Variants in VAV3 observed in about 807,000 individuals in gnomAD.
VAV3 encodes the protein vav guanine nucleotide exchange factor 3, also known as guanine nucleotide exchange factor VAV3.
Under a neutral mutation model 131.2 loss-of-function variants are expected in VAV3, and 94 were observed. That is an observed-to-expected ratio of 0.72 (90% CI 0.61 to 0.85). The LOEUF (loss-of-function observed/expected upper bound fraction) is 0.85, where lower values mean the gene tolerates loss of function less well. VAV3 is among the 40% of genes least tolerant of loss of function. VAV3 has a pLI of 0.00. For synonymous variants in VAV3, 349 were observed against 342.0 expected (o/e 1.02, Z -0.22); for missense variants, 939 against 1,002.7 (o/e 0.94, Z 0.86).
At chr1:107,600,508 T>C (rs1255443922) in intron 24 of VAV3, among the ~76,000 whole-genome samples, 1 of 152,232 alleles carries the variant, frequency 6.6e-6, no homozygotes, top group Non-Finnish European at 1.5e-5. Context: ...GTGTCTCTAA[T>C]AGTGGCATTG....
chr1:107,875,076 T>G, intron 1 of VAV3, 59 bp from the exon 2 acceptor site: 1 of 1,385,032 alleles, frequency 7.2e-7, no homozygotes, highest in Non-Finnish European at 1.0e-6. Context: ...CTATCCACCC[T>G]CTGTAACACT....
intron 2 of VAV3, among the ~76,000 whole-genome samples, chr1:107,861,610 A>C (rs1012161526): frequency 6.6e-6 from 1 of 151,596 alleles, no homozygotes; most frequent in Non-Finnish European, 1.5e-5. Flanking sequence ...TCATCATTAA[A>C]ATTTGACCTA....
rs568779684 is a variant in VAV3 at position 107,594,571 on chromosome 1, A to G, written c.2350+1641T>C. Among the ~76,000 whole-genome samples the G allele has an allele frequency of 3.9e-4, 60 of 152,238 alleles. 1 individual carries two copies. In the South Asian group the frequency reaches 8.7e-3, roughly 22 times the overall value. ...CTGGGGCTAGCATGGATATTCAAAG[A>G]CATTCTACTGGCTATGCTTTTTTTT... On this transcript the variant is annotated intron_variant, in intron 25 of 26. Coordinates refer to ENST00000370056, the MANE Select transcript of VAV3 (RefSeq NM_006113.5).
intron 1 of VAV3, among the ~76,000 whole-genome samples, chr1:107,954,400 C>A (rs1674698058): frequency 6.6e-6 from 1 of 152,202 alleles, no homozygotes; most frequent in Non-Finnish European, 1.5e-5. Flanking sequence ...CTCTTCCCCT[C>A]ATTAACTTTC....
intron 19 of VAV3, chr1:107,669,490 G>C (rs1657630603): frequency 7.8e-7 from 1 of 1,280,084 alleles, no homozygotes; most frequent in South Asian, 1.3e-5. Context: ...AGACAAGAAA[G>C]AAATAAACAC....
At position 107,842,230 on chromosome 1, in the gene VAV3, C is replaced by A. The variant is rs116120227; in HGVS notation, c.321+32671G>T. Among the ~76,000 whole-genome samples the A allele has an allele frequency of 7.5e-3, 1,138 of 152,240 alleles. 6 individuals are homozygous for A. Among genetic ancestry groups the A allele is most frequent in the South Asian group, 0.018 (85 of 4,818 alleles). ...AAGACATTGCTTTAAACATTTAGTT[C>A]CCAAATTCTAAAATGAGTCCACTAC... On this transcript the variant is annotated intron_variant, in intron 2 of 26. Coordinates refer to ENST00000370056, the MANE Select transcript of VAV3 (RefSeq NM_006113.5).
rs145473043 is a variant in VAV3, at chr1:107,609,661, G to A, written c.2015+270C>T. On this transcript the variant is annotated intron_variant, in intron 22 of 26. Coordinates refer to ENST00000370056, the MANE Select transcript of VAV3 (RefSeq NM_006113.5). ...TCTGTAAAATATAAGATACATATGC[G>A]TATGTTCCATTCCTTTCTGTGGCTG... 1.2e-3 allele frequency: 430 copies of A among 354,634 alleles called. 3 individuals carry two copies. The highest frequency in any genetic ancestry group is 5.9e-3 in the African/African-American group (289 of 48,616). 22.0% of individuals were successfully genotyped at this position (354,634 alleles called of 1,614,324 possible). A position where few individuals can be genotyped will look rare whatever the true frequency, so the allele number is the denominator to read the frequency against.
intron 2 of VAV3, among the ~76,000 whole-genome samples, chr1:107,865,567 G>A (rs886517396): frequency 6.6e-5 from 10 of 152,306 alleles, no homozygotes; most frequent in East Asian, 1.9e-4. Flanking sequence ...GTTTATGGGA[G>A]TAGGAAAGTG....
At chr1:107,729,732 A>T (rs1465570483) in intron 15 of VAV3, among the ~76,000 whole-genome samples, 1 of 151,866 alleles carries the variant, frequency 6.6e-6, no homozygotes, top group Non-Finnish European at 1.5e-5. Context: ...TGCTTGGAAT[A>T]CAATGCTAAT....
At chr1:107,585,898 T>G (rs184496294) in intron 25 of VAV3, among the ~76,000 whole-genome samples, 3 of 152,172 alleles carry the variant, frequency 2.0e-5, no homozygotes, top group Admixed American at 6.5e-5. Flanking sequence ...TATGCAAACT[T>G]ATAATAGCAG....
At chr1:107,704,910 G>A (rs1660348831) in intron 16 of VAV3, 50 bp downstream of exon 16, 3 of 1,535,190 alleles carry the variant, frequency 2.0e-6, no homozygotes, top group Non-Finnish European at 2.7e-6. Context: ...GAAACACTTA[G>A]CAATTATATC....
chr1:107,701,100 T>C (rs1198607865), intron 17 of VAV3, among the ~76,000 whole-genome samples: 1 of 152,230 alleles, frequency 6.6e-6, no homozygotes, highest in Non-Finnish European at 1.5e-5. Context: ...ATAAATGTCT[T>C]CTTTTGAGAA....
rs35317053 is a variant in VAV3, at chr1:107,598,801, T to TACACACACACACACAC, written c.2221-2476_2221-2461dup. On this transcript the variant is annotated intron_variant, in intron 24 of 26. Coordinates refer to ENST00000370056, the MANE Select transcript of VAV3 (RefSeq NM_006113.5). Reference sequence around the variant, plus strand: ...GCAAAATTTTGTGAGGTCTCTGGAATACACACACACACACACACACACGTA... The same window carrying TACACACACACACACAC: ...GCAAAATTTTGTGAGGTCTCTGGAATACACACACACACACACACACACACACACACACACACACGTA... Among the ~76,000 whole-genome samples, 353 of 149,958 alleles carry TACACACACACACACAC rather than the reference T, an allele frequency of 2.4e-3. 2 individuals are homozygous for TACACACACACACACAC. Among genetic ancestry groups the TACACACACACACACAC allele is most frequent in the African/African-American group, 6.1e-3 (248 of 40,862 alleles).
intron 1 of VAV3, among the ~76,000 whole-genome samples, chr1:107,916,582 G>A (rs533465500): frequency 2.0e-5 from 3 of 152,120 alleles, no homozygotes; most frequent in African/African-American, 7.2e-5. Flanking sequence ...TTTGTACAGG[G>A]AAAAAATTTT....
rs760851876 is a variant in VAV3, at chr1:107,755,496, C to T, written c.1104G>A (p.Val368=). ...TCTCATTATCTCTTTTCACTTCATT[C>T]ACATATTGTGCCAAGTCCTAGACAA... is the stretch of plus-strand genomic sequence containing the variant. ...LDAMKDLAQY[V]NEVKRDNETL... is the part of the protein sequence containing the mutation. Residue 368 remains valine, a synonymous_variant, in exon 12 of 27, where the codon GTG becomes GTA. Coordinates refer to ENST00000370056, the MANE Select transcript of VAV3 (RefSeq NM_006113.5). 3 of 1,613,236 alleles carry T rather than the reference C, an allele frequency of 1.9e-6. No homozygotes were observed. Among genetic ancestry groups the T allele is most frequent in the Admixed American group, 1.7e-5 (1 of 59,974 alleles).
chr1:107,689,302 G>A (rs957675248), intron 17 of VAV3, among the ~76,000 whole-genome samples: 41 of 152,056 alleles, frequency 2.7e-4, no homozygotes, highest in African/African-American at 9.4e-4. Flanking sequence ...CTGAAAAGAT[G>A]CCACAGAGAG....
At chr1:107,952,485 T>TATATATATATATATATATATACAC (rs1317970944) in intron 1 of VAV3, among the ~76,000 whole-genome samples, 23 of 94,424 alleles carry the variant, frequency 2.4e-4, no homozygotes, top group African/African-American at 7.2e-4. Flanking sequence ...TATATATATA[T>TATATATATATATATATATATACAC]ACACACATAA....
At chr1:107,731,717 A>G (rs897728104) in intron 15 of VAV3, among the ~76,000 whole-genome samples, 4 of 152,210 alleles carry the variant, frequency 2.6e-5, no homozygotes, top group Non-Finnish European at 5.9e-5. Flanking sequence ...TCATCACAAG[A>G]GGCATCCAAG....
chr1:107,881,331 GAA>G (rs2101035946), intron 1 of VAV3, among the ~76,000 whole-genome samples: 1 of 152,282 alleles, frequency 6.6e-6, no homozygotes, highest in East Asian at 1.9e-4. Context: ...CAGTGGGAGA[GAA>G]AAGAGAAGAC....
Sources: allele counts gnomAD v4.1 joint callset (sites outside exome capture counted in the v4.1 genomes callset), GRCh38; gene constraint gnomAD v4.1.1; transcripts MANE v1.5; gene names NCBI Gene and HGNC (gene_info 2026-07-23, HGNC 2026-07-21).